The following NRXN3 variants were observed in gnomAD, a reference collection of about 807,000 sequenced individuals.
NRXN3 encodes neurexin III.
In NRXN3, 32 loss-of-function variants were observed where a neutral mutation model predicts 137.6. The observed-to-expected ratio is 0.23, with a 90% CI of 0.18 to 0.31. NRXN3 has a LOEUF of 0.31. NRXN3 is among the 10% of genes least tolerant of loss of function. The pLI is 1.00. For missense variants in NRXN3, 1,574 were observed against 2,062.5 expected (o/e 0.76, Z 4.59); for synonymous variants, 798 against 784.5 (o/e 1.02, Z -0.29).
chr14:78,616,671 G>T (rs2097350665), intron 4 of NRXN3, among the ~76,000 whole-genome samples: 1 of 152,148 alleles, frequency 6.6e-6, no homozygotes, highest in African/African-American at 2.4e-5. Flanking sequence ...ATAAATATGT[G>T]ATAAATAAAA....
intron 15 of NRXN3, among the ~76,000 whole-genome samples, chr14:79,100,151 T>C (rs763774547): frequency 2.6e-5 from 4 of 152,188 alleles, no homozygotes; most frequent in Non-Finnish European, 2.9e-5. Context: ...CACAGAATGT[T>C]CTCTGTCTGT....
chr14:79,704,295 G>C lies in NRXN3; in HGVS notation c.4014+6358G>C, dbSNP rs567502889. On this transcript the variant is annotated intron_variant, in intron 19 of 20. Coordinates refer to ENST00000335750, the MANE Select transcript of NRXN3 (RefSeq NM_001330195.2). Reference sequence around the variant, plus strand: ...CTTCGAGGCCCAGACTAGAACCTCAGATATTCTCCAGGTCTTCAAATAATC... The same window carrying C: ...CTTCGAGGCCCAGACTAGAACCTCACATATTCTCCAGGTCTTCAAATAATC... Among the ~76,000 whole-genome samples the C allele has an allele frequency of 1.4e-4, 21 of 152,292 alleles. No homozygotes were observed. In the South Asian group the frequency reaches 2.7e-3, roughly 20 times the overall value.
intron 19 of NRXN3, among the ~76,000 whole-genome samples, chr14:79,800,922 G>A (rs558068789): frequency 6.6e-6 from 1 of 152,292 alleles, no homozygotes; most frequent in African/African-American, 2.4e-5. Context: ...AGATGTTAGG[G>A]ACAAAAGTAG....
In NRXN3 at chr14:79,541,367, G is replaced by A. The variant is rs149818144; in HGVS notation, c.3444+73965G>A. 9.7e-3 allele frequency among the ~76,000 whole-genome samples: 1,474 copies of A among 152,236 alleles called. 59 individuals are homozygous for A. The East Asian group carries it at 0.13, about 13-fold the overall frequency. On this transcript the variant is annotated intron_variant, in intron 16 of 20. Transcript: ENST00000335750. ...TGCAGTGAGCCAAGATTGTGCCATT[G>A]CACTCCAGCCTGGGCAACAAGAGCG...
At chr14:78,992,715 A>G (rs2099521390) in intron 15 of NRXN3, among the ~76,000 whole-genome samples, 1 of 152,178 alleles carries the variant, frequency 6.6e-6, no homozygotes, top group Non-Finnish European at 1.5e-5. Flanking sequence ...AGTTTTAAAC[A>G]TTTCATACCT....
chr14:78,370,363 T>C (rs895190000), intron 4 of NRXN3, among the ~76,000 whole-genome samples: 1 of 152,054 alleles, frequency 6.6e-6, no homozygotes, highest in Non-Finnish European at 1.5e-5. Flanking sequence ...AGATGTCCTT[T>C]GGCCTCTGTT....
intron 16 of NRXN3, among the ~76,000 whole-genome samples, chr14:79,619,794 C>T (rs2098202139): frequency 6.6e-6 from 1 of 152,078 alleles, no homozygotes; most frequent in African/African-American, 2.4e-5. Context: ...ATCTCCCAAT[C>T]TACTGATAAA....
Position 79,672,703 on chromosome 14 carries a change from G to A in NRXN3, c.3616+8754G>A, listed in dbSNP as rs1006477762. Among the ~76,000 whole-genome samples, 7 of 152,044 alleles carry A rather than the reference G, an allele frequency of 4.6e-5. No homozygotes were observed. In the South Asian group the frequency reaches 6.2e-4, roughly 14 times the overall value. On this transcript the variant is annotated intron_variant, in intron 17 of 20. Transcript: ENST00000335750. ...GCCTGCAGAAGTTGTCTCTAATTAC[G>A]AAAACTTAGAATTATTATCCCAGCC...
chr14:78,396,561 G>A (rs2091477815), intron 4 of NRXN3, among the ~76,000 whole-genome samples: 1 of 152,176 alleles, frequency 6.6e-6, no homozygotes, highest in Non-Finnish European at 1.5e-5. Context: ...AAAATATGTT[G>A]AGTTTTCCTA....
intron 15 of NRXN3, among the ~76,000 whole-genome samples, chr14:79,123,228 C>T (rs1043182942): frequency 1.3e-5 from 2 of 151,598 alleles, no homozygotes; most frequent in Non-Finnish European, 2.9e-5. Context: ...TGTGTGTGTG[C>T]GCGCGTGTGT....
intron 15 of NRXN3, among the ~76,000 whole-genome samples, chr14:79,466,231 G>T (rs760914346): frequency 2.1e-4 from 32 of 152,110 alleles, no homozygotes; most frequent in Non-Finnish European, 4.1e-4. Context: ...AAAAGGAAAA[G>T]AAAATGTATT....
chr14:78,222,899 A>G (rs1270827804), intron 1 of NRXN3, among the ~76,000 whole-genome samples: 1 of 152,264 alleles, frequency 6.6e-6, no homozygotes, highest in Non-Finnish European at 1.5e-5. Flanking sequence ...CACTCAGAAC[A>G]TAATAGGTGC....
chr14:79,110,444 C>A (rs1200775820), intron 15 of NRXN3, among the ~76,000 whole-genome samples: 1 of 152,218 alleles, frequency 6.6e-6, no homozygotes, highest in Non-Finnish European at 1.5e-5. Flanking sequence ...CATCTACCAA[C>A]TAGGATGTGA....
intron 15 of NRXN3, among the ~76,000 whole-genome samples, chr14:79,187,249 A>T (rs2063650504): frequency 6.6e-6 from 1 of 152,200 alleles, no homozygotes; most frequent in African/African-American, 2.4e-5. Flanking sequence ...AAATTTCCAG[A>T]ACCACTTAGC....
intron 10 of NRXN3, among the ~76,000 whole-genome samples, chr14:78,833,363 C>T (rs2098987639): frequency 6.6e-6 from 1 of 152,122 alleles, no homozygotes; most frequent in Admixed American, 6.5e-5. Context: ...GTGAAGTTTA[C>T]AGACCATTCA....
intron 4 of NRXN3, among the ~76,000 whole-genome samples, chr14:78,459,397 G>C (rs1029111239): frequency 6.6e-6 from 1 of 152,200 alleles, no homozygotes; most frequent in African/African-American, 2.4e-5. Flanking sequence ...CCAGAAAAGA[G>C]ATGTTGGTTG....
At chr14:79,630,249 A>G (rs1345831273) in intron 16 of NRXN3, among the ~76,000 whole-genome samples, 1 of 152,184 alleles carries the variant, frequency 6.6e-6, no homozygotes, top group Admixed American at 6.5e-5. Context: ...CAAACCCAAG[A>G]AGAAAAACAT....
At chr14:79,739,171 G>A (rs1223932096) in intron 19 of NRXN3, among the ~76,000 whole-genome samples, 1 of 152,182 alleles carries the variant, frequency 6.6e-6, no homozygotes, top group Non-Finnish European at 1.5e-5. Flanking sequence ...AGGCACGTGG[G>A]TGTTTCAAGG....
chr14:78,742,481 A>G (rs2098582104), intron 8 of NRXN3, among the ~76,000 whole-genome samples: 1 of 152,246 alleles, frequency 6.6e-6, no homozygotes, highest in Non-Finnish European at 1.5e-5. Flanking sequence ...TGCTGCATGT[A>G]TATTGTATAA....
Sources: allele counts gnomAD v4.1 joint callset (sites outside exome capture counted in the v4.1 genomes callset), GRCh38; gene constraint gnomAD v4.1.1; transcripts MANE v1.5; gene names NCBI Gene and HGNC (gene_info 2026-07-23, HGNC 2026-07-21).